GLYATL2: variants seen among roughly 807,000 people sequenced by gnomAD.
GLYATL2 encodes the protein glycine N-acyltransferase-like protein 2.
Under a neutral mutation model 21.4 loss-of-function variants are expected in GLYATL2, and 25 were observed. The ratio of observed to expected loss-of-function variants is 1.17; its 90% confidence interval spans 0.85 to 1.63. GLYATL2 has a LOEUF of 1.63. Among genes scored for constraint, GLYATL2 ranks in the 40% most tolerant of loss-of-function variants. The pLI is 0.00. For synonymous variants in GLYATL2, 114 were observed against 118.2 expected (o/e 0.96, Z 0.23); for missense variants, 361 against 343.3 (o/e 1.05, Z -0.41).
At position 58,886,967 on chromosome 11, in the gene GLYATL2, T is replaced by G. The variant is rs12293410; in HGVS notation, n.60+17189A>C. 6.2e-3 allele frequency among the ~76,000 whole-genome samples: 952 copies of G among 152,348 alleles called. 10 individuals are homozygous for G. The highest frequency in any genetic ancestry group is 0.021 in the African/African-American group (873 of 41,578). Reference sequence around the variant, plus strand: ...TAACACCTTCCCTAGGGATGTTTGTTTGATCTCCTGGCTTCCTGATAATTT... The same window carrying G: ...TAACACCTTCCCTAGGGATGTTTGTGTGATCTCCTGGCTTCCTGATAATTT... On this transcript the variant is annotated intron_variant and non_coding_transcript_variant, in intron 1 of 4. Coordinates refer to the GLYATL2 transcript ENST00000533636.
Position 58,853,936 on chromosome 11 carries a change from T to A in GLYATL2, n.61-15568A>T, listed in dbSNP as rs186214669. Among the ~76,000 whole-genome samples, 11 of 152,304 alleles carry A rather than the reference T, an allele frequency of 7.2e-5. No individual in the cohort carries two copies. The East Asian group carries it at 2.1e-3, about 29-fold the overall frequency. The stretch of plus-strand genomic sequence containing the variant: ...CCTACTATCTAACTGAAATTTTGTA[T>A]CCTGTGACCATCTCCCCAGTCCCTA... On this transcript the variant is annotated intron_variant and non_coding_transcript_variant, in intron 1 of 4. Transcript: ENST00000533636.
chr11:58,838,470 A>C (rs746079198), intron 2 of GLYATL2, 102 bp from the exon 3 acceptor site: 3 of 710,156 alleles, frequency 4.2e-6, no homozygotes, highest in Non-Finnish European at 7.1e-6. Context: ...AAGGACAAGA[A>C]GTATAGGAGG....
intron 1 of GLYATL2, among the ~76,000 whole-genome samples, chr11:58,880,857 C>T (rs758832992): frequency 1.6e-4 from 25 of 152,228 alleles, no homozygotes; most frequent in Admixed American, 6.5e-4. Context: ...ACTTTGAGGA[C>T]TTTGACCTCA....
chr11:58,875,208 A>G (rs992788359), intron 1 of GLYATL2, among the ~76,000 whole-genome samples: 8 of 152,126 alleles, frequency 5.3e-5, no homozygotes, highest in Non-Finnish European at 8.8e-5. Flanking sequence ...GGGTTTCCTG[A>G]ATACAGCACA....
chr11:58,889,258 G>C (rs966360076), intron 1 of GLYATL2, among the ~76,000 whole-genome samples: 1 of 151,228 alleles, frequency 6.6e-6, no homozygotes, highest in South Asian at 2.1e-4. Context: ...CTGTTTTTTT[G>C]TGTGTGTGGG....
chr11:58,866,198 T>C (rs909018449), intron 1 of GLYATL2, among the ~76,000 whole-genome samples: 1 of 148,944 alleles, frequency 6.7e-6, no homozygotes, highest in African/African-American at 2.4e-5. Context: ...AAGATTCCAC[T>C]TTGGTGTCAA....
At chr11:58,893,661 G>A (rs891244876) in intron 1 of GLYATL2, among the ~76,000 whole-genome samples, 2 of 152,182 alleles carry the variant, frequency 1.3e-5, no homozygotes, top group Admixed American at 6.5e-5. Context: ...GGAAGCAGGG[G>A]ATATAGTCTT....
intron 1 of GLYATL2, among the ~76,000 whole-genome samples, chr11:58,862,848 T>C (rs601467): frequency 0.89 from 134,811 of 151,984 alleles, 60,945 homozygotes; most frequent in Non-Finnish European, 0.98. Context: ...TCTATGGTGG[T>C]ATCATTTTTC....
chr11:58,845,216 C>A (rs1853621661), upstream of GLYATL2, among the ~76,000 whole-genome samples: 1 of 152,120 alleles, frequency 6.6e-6, no homozygotes, highest in Non-Finnish European at 1.5e-5. Context: ...GAGTGCCTGG[C>A]AATCTGTATG....
intron 1 of GLYATL2, among the ~76,000 whole-genome samples, chr11:58,872,614 T>C (rs1313707083): frequency 6.6e-6 from 1 of 152,262 alleles, no homozygotes; most frequent in African/African-American, 2.4e-5. Context: ...TCATTATTTC[T>C]GAGGGCTCTG....
Position 58,887,798 on chromosome 11 carries a change from A to G in GLYATL2, n.60+16358T>C, listed in dbSNP as rs185156254. Among the ~76,000 whole-genome samples the G allele has an allele frequency of 1.6e-3, 245 of 152,278 alleles. 1 individual carries two copies. The highest frequency in any genetic ancestry group is 5.7e-3 in the African/African-American group (235 of 41,576). ...TGCCACTAAAAACAATGCTTCAATA[A>G]ACATCCTTGTATACATGTCTTTACA... On this transcript the variant is annotated intron_variant and non_coding_transcript_variant, in intron 1 of 4. Transcript: ENST00000533636.
At chr11:58,835,378 A>C (rs528468412) in intron 5 of GLYATL2, among the ~76,000 whole-genome samples, 2 of 152,372 alleles carry the variant, frequency 1.3e-5, no homozygotes, top group Non-Finnish European at 2.9e-5. Context: ...AAGAAGCTGC[A>C]ATATAAGAAA....
intron 1 of GLYATL2, among the ~76,000 whole-genome samples, chr11:58,851,141 A>G (rs1853734035): frequency 6.6e-6 from 1 of 152,078 alleles, no homozygotes; most frequent in Non-Finnish European, 1.5e-5. Flanking sequence ...CTTGTATCCA[A>G]TAAATAACAG....
chr11:58,836,733 C>T (rs1039858513), intron 5 of GLYATL2, among the ~76,000 whole-genome samples: 1 of 152,074 alleles, frequency 6.6e-6, no homozygotes, highest in Non-Finnish European at 1.5e-5. Flanking sequence ...TTTTGTAAGA[C>T]ATAAATAGTT....
At chr11:58,865,852 A>C (rs1176707219) in intron 1 of GLYATL2, among the ~76,000 whole-genome samples, 1 of 149,138 alleles carries the variant, frequency 6.7e-6, no homozygotes, top group Non-Finnish European at 1.5e-5. Flanking sequence ...AAAAGATGAA[A>C]GAAAGACAAA....
chr11:58,870,755 TAATGTTGCATATGC>T (rs1440824777), intron 1 of GLYATL2, among the ~76,000 whole-genome samples: 1 of 152,196 alleles, frequency 6.6e-6, no homozygotes, highest in Non-Finnish European at 1.5e-5. Flanking sequence ...GAAGGCAGAT[TAATGTTGCATATGC>T]AATAGACGTG....
At chr11:58,886,937 G>A (rs1215629627) in intron 1 of GLYATL2, among the ~76,000 whole-genome samples, 1 of 152,212 alleles carries the variant, frequency 6.6e-6, no homozygotes, top group Admixed American at 6.5e-5. Flanking sequence ...GAACCAGGCT[G>A]AGCCTAACAC....
upstream of GLYATL2, among the ~76,000 whole-genome samples, chr11:58,847,811 T>A (rs1445218585): frequency 6.6e-6 from 1 of 152,084 alleles, no homozygotes; most frequent in Non-Finnish European, 1.5e-5. Context: ...TACCTTCTGA[T>A]TGTAGAGTTC....
intron 1 of GLYATL2, among the ~76,000 whole-genome samples, chr11:58,896,710 TC>T (rs11294608): frequency 0.87 from 131,690 of 152,216 alleles, 58,173 homozygotes; most frequent in Middle Eastern, 0.97. Context: ...TTAACTTCTG[TC>T]GTTTTCAAAC....
Sources: gnomAD v4.1 joint callset for allele counts (sites outside exome capture counted in the v4.1 genomes callset) on GRCh38, gnomAD v4.1.1 for gene constraint, MANE v1.5 for transcripts, NCBI Gene and HGNC (gene_info 2026-07-23, HGNC 2026-07-21) for gene names.